The following ANAPC2 variants were observed in gnomAD, a reference collection of about 807,000 sequenced individuals.
ANAPC2 encodes the protein anaphase-promoting complex subunit 2.
A neutral mutation model predicts 84.3 loss-of-function variants in ANAPC2; 29 were observed. The ratio of observed to expected loss-of-function variants is 0.34; its 90% CI spans 0.26 to 0.47. The LOEUF (loss-of-function observed/expected upper bound fraction) is 0.47, where lower values mean the gene tolerates loss of function less well. Ranked by LOEUF, ANAPC2 falls within the 20% of genes least tolerant of loss-of-function variation. ANAPC2 has a pLI of 1.00. For missense variants in ANAPC2, 857 were observed against 1,131.7 expected, an observed-to-expected ratio of 0.76 and a Z score of 3.48; for synonymous variants, 571 against 479.4, an observed-to-expected ratio of 1.19 and a Z score of -2.50.
At chr9:137,187,266 G>A (rs1834494143) in intron 2 of ANAPC2, 3 of 635,050 alleles carry the variant, frequency 4.7e-6, no homozygotes, top group Non-Finnish European at 5.3e-6. Context: ...GGCCTTACCA[G>A]GGTCAAGGCA....
Position 137,174,982 on chromosome 9 carries a change from T to C in ANAPC2, c.2429A>G (p.Tyr810Cys), listed in dbSNP as rs1834175520. Reference protein sequence around the residue: ...QKKVRDQQLVYSAGVYRLPKN... With the variant: ...QKKVRDQQLVCSAGVYRLPKN... Reference sequence around the variant, plus strand: ...GGGCAGGCGGTAGACGCCGGCCGAGTAGACGAGCTGCTGGTCCCGCACCTT... The same window carrying C: ...GGGCAGGCGGTAGACGCCGGCCGAGCAGACGAGCTGCTGGTCCCGCACCTT... The change falls in exon 13 of 13, where the codon TAC (tyrosine) becomes TGC (cysteine). Residue 810 changes from tyrosine (Y) to cysteine (C), a missense_variant. Coordinates refer to ENST00000323927, the MANE Select transcript of ANAPC2 (RefSeq NM_013366.4). The surrounding 1 kb of genome is among the most constrained non-coding windows in gnomAD (Gnocchi z 6.1). 1 of 1,598,618 alleles carries C rather than the reference T, an allele frequency of 6.3e-7. No homozygotes were observed.
chr9:137,180,657 C>T (rs1301818244), intron 8 of ANAPC2, 130 bp from the exon 9 acceptor site: 60 of 1,563,914 alleles, frequency 3.8e-5, no homozygotes, highest in Non-Finnish European at 5.0e-5. Context: ...GCTAGCACAC[C>T]CCCAGCCAGG....
intron 10 of ANAPC2, among the ~76,000 whole-genome samples, chr9:137,179,406 A>G (rs1834293450): frequency 6.6e-6 from 1 of 151,304 alleles, no homozygotes; most frequent in Non-Finnish European, 1.5e-5. Context: ...CCGAGCTGAC[A>G]CCTCCCACCT....
intron 2 of ANAPC2, chr9:137,186,565 A>G (rs938078329): frequency 3.0e-6 from 2 of 665,836 alleles, no homozygotes; most frequent in East Asian, 5.7e-5. Context: ...GAGCACTCCC[A>G]GGCTCTGCTG....
At chr9:137,187,311 G>T in intron 2 of ANAPC2, 170 bp downstream of exon 2, 1 of 823,880 alleles carries the variant, frequency 1.2e-6, no homozygotes, top group Non-Finnish European at 1.8e-6. Flanking sequence ...TGACAGAAGA[G>T]AGACACCTGT....
intron 1 of ANAPC2, 49 bp from the exon 2 acceptor site, chr9:137,188,152 G>A (rs1346968496): frequency 8.3e-6 from 13 of 1,572,326 alleles, no homozygotes; most frequent in Admixed American, 1.7e-5. Context: ...ATAGAGGTGG[G>A]GAGAGGCGGG....
chr9:137,185,081 C>A lies in ANAPC2; in HGVS notation c.880G>T (p.Glu294Ter). The change falls in exon 4 of 13, where the codon GAG (glutamate) becomes TAG (stop). Residue 294 changes from glutamate to a stop codon, truncating the protein, a stop_gained. Coordinates refer to ENST00000323927, the MANE Select transcript of ANAPC2 (RefSeq NM_013366.4). LOFTEE classifies it high-confidence loss of function. ...SFLREFHKWIERVVGWLGKVF... is the reference protein window; with the variant it reads ...SFLREFHKWI ...TTGCCGAGCCAGCCGACCACCCGCT[C>A]GATCCACTGTCAGGAGAACGCTAGT... 2 of 1,541,978 alleles carry A rather than the reference C, an allele frequency of 1.3e-6. No individual in the cohort carries two copies. Among genetic ancestry groups the A allele is most frequent in the Non-Finnish European group, 8.7e-7 (1 of 1,144,178 alleles).
At position 137,175,096 on chromosome 9, in the gene ANAPC2, C is replaced by T. The variant is rs1246509973; in HGVS notation, c.2315G>A (p.Arg772His). The T allele has an allele frequency of 2.5e-6, 4 of 1,609,000 alleles. No individual in the cohort carries two copies. Among genetic ancestry groups the T allele is most frequent in the Non-Finnish European group, 2.5e-6 (3 of 1,178,326 alleles). ...AAACATGCGGAGCATGTTGTAGATACGATCCAGTGAGAGGCTCTCCAGGTT... is the reference window on the plus strand; with the variant it reads ...AAACATGCGGAGCATGTTGTAGATATGATCCAGTGAGAGGCTCTCCAGGTT... ...LTNLESLSLD[R>H]IYNMLRMFVV... Residue 772 changes from arginine to histidine, a missense_variant, in exon 13 of 13, where the codon CGT becomes CAT. This residue lies in a region of ANAPC2 where 425 missense variants were observed against 595.5 expected (regional missense o/e 0.71). Transcript: ENST00000323927.
chr9:137,175,145 T>C lies in ANAPC2; in HGVS notation c.2266A>G (p.Thr756Ala). 6.2e-7 allele frequency: 1 copy of C among 1,607,670 alleles called. No homozygotes were observed. The highest frequency in any genetic ancestry group is 1.1e-5 in the South Asian group (1 of 90,310). ...QKEEELLLFW[T>A]YIQAMLTNLE... is the part of the protein sequence containing the mutation. ...TTGGTCAGCATGGCCTGGATGTACGTCCAGAAGAGCTGCGGACACAGGCCA... is the reference window on the plus strand; with the variant it reads ...TTGGTCAGCATGGCCTGGATGTACGCCCAGAAGAGCTGCGGACACAGGCCA... Residue 756 changes from threonine (T) to alanine (A), a missense_variant, in exon 13 of 13, where the codon ACG (threonine) becomes GCG (alanine). This residue lies in a region of ANAPC2 where 425 missense variants were observed against 595.5 expected (regional missense o/e 0.71). Transcript: ENST00000323927.
rs1834317112 is a variant in ANAPC2 at position 137,180,366 on chromosome 9, G to A, written c.1705C>T (p.Arg569Cys). The change falls in exon 10 of 13, where the codon CGC becomes TGC. Residue 569 changes from arginine (R) to cysteine (C), a missense_variant. By Grantham distance (180) the Arg-to-Cys change is radical. This residue lies in a region of ANAPC2 where 425 missense variants were observed against 595.5 expected (regional missense o/e 0.71). Transcript: ENST00000323927. The part of the protein sequence containing the change: ...VMLKDMADSR[R>C]INANIREEDE... ...TCCTCCCGGATGTTGGCATTGATGC[G>A]GCGGGAGTCCGCCATGTCCTGAGGA... 6.2e-7 allele frequency: 1 copy of A among 1,612,514 alleles called. No homozygotes were observed. Among genetic ancestry groups the A allele is most frequent in the Non-Finnish European group, 8.5e-7 (1 of 1,179,864 alleles).
intron 4 of ANAPC2, 112 bp from the exon 5 acceptor site, chr9:137,183,903 G>C: frequency 2.8e-6 from 4 of 1,439,510 alleles, no homozygotes; most frequent in Non-Finnish European, 3.8e-6. Flanking sequence ...GCCCCAGGAC[G>C]ATGATGAGAC....
At chr9:137,185,125 T>C (rs750976705) in intron 3 of ANAPC2, 38 bp from the exon 4 acceptor site, 4 of 1,486,726 alleles carry the variant, frequency 2.7e-6, no homozygotes, top group Non-Finnish European at 2.7e-6. Flanking sequence ...CAGGGAGGCA[T>C]GGTGAGCCCC....
chr9:137,175,799 C>G lies in ANAPC2; in HGVS notation c.1929G>C (p.Leu643=), dbSNP rs761756726. 1 of 1,609,950 alleles carries G rather than the reference C, an allele frequency of 6.2e-7. No individual in the cohort carries two copies. Among genetic ancestry groups the G allele is most frequent in the Non-Finnish European group, 8.5e-7 (1 of 1,178,554 alleles). The change falls in exon 11 of 13, where the codon CTG becomes CTC. Residue 643 remains leucine, a synonymous_variant. Coordinates refer to ENST00000323927, the MANE Select transcript of ANAPC2 (RefSeq NM_013366.4). ...CGGCCAGCTCCACGTCCATGGTCAC[C>G]AGGCCCAGGGTGTGCTTCCAACTGA... ...RTLSWKHTLG[L]VTMDVELADR...
chr9:137,183,774 G>C lies in ANAPC2; in HGVS notation c.1066C>G (p.Pro356Ala). The C allele has an allele frequency of 6.2e-7, 1 of 1,613,286 alleles. No individual in the cohort carries two copies. Among genetic ancestry groups the C allele is most frequent in the Non-Finnish European group, 8.5e-7 (1 of 1,179,890 alleles). ...CAGTACTTGAGGTCCTCGATGGCTGGCCGGGAGTCTGGGAAGTCTACAAGA... is the reference window on the plus strand; with the variant it reads ...CAGTACTTGAGGTCCTCGATGGCTGCCCGGGAGTCTGGGAAGTCTACAAGA... ...SIVRDFPDSR[P>A]AIEDLKYCLE... The change falls in exon 5 of 13, where the codon CCA becomes GCA. Residue 356 changes from proline to alanine, a missense_variant. Around this residue, in one of 3 missense-constraint regions of ANAPC2, gnomAD observed 428 missense variants for 513.8 expected, o/e 0.83. Transcript: ENST00000323927.
In ANAPC2 at chr9:137,174,937, ATG is replaced by A; in HGVS notation, c.*3_*4del. The A allele has an allele frequency of 6.5e-7, 1 of 1,534,198 alleles. No homozygotes were observed. Among genetic ancestry groups the A allele is most frequent in the Non-Finnish European group, 8.8e-7 (1 of 1,140,122 alleles). On this transcript the variant is annotated 3_prime_UTR_variant, in exon 13 of 13. Coordinates refer to ENST00000323927, the MANE Select transcript of ANAPC2 (RefSeq NM_013366.4). This position sits in a 1 kb window ranked among gnomAD's most constrained non-coding sequence, Gnocchi z 6.1. ...TGGCGGGCGGGCGGGCGGGCGGGCGATGTGTCAGCTGCAGTTCTTGGGCAGGC... is the reference window on the plus strand; with the variant it reads ...TGGCGGGCGGGCGGGCGGGCGGGCGATGTCAGCTGCAGTTCTTGGGCAGGC...
intron 1 of ANAPC2, 105 bp from the exon 2 acceptor site, chr9:137,188,208 C>A: frequency 7.0e-7 from 1 of 1,438,332 alleles, no homozygotes; most frequent in East Asian, 2.4e-5. Flanking sequence ...CCGCTGCCCC[C>A]TGTCCGTGCT....
intron 2 of ANAPC2, 45 bp from the exon 3 acceptor site, chr9:137,186,401 C>T: frequency 6.5e-7 from 1 of 1,544,832 alleles, no homozygotes; most frequent in Non-Finnish European, 8.7e-7. Flanking sequence ...CACACACCGG[C>T]CCCTCTAGCC....
chr9:137,175,653 A>C, intron 11 of ANAPC2, 55 bp downstream of exon 11: 1 of 1,571,240 alleles, frequency 6.4e-7, no homozygotes, highest in Non-Finnish European at 8.7e-7. Flanking sequence ...ACAGCCCCTC[A>C]CCCACAGCTG....
At position 137,180,948 on chromosome 9, in the gene ANAPC2, G is replaced by C. The variant is rs574030093; in HGVS notation, c.1469-19C>G. ...GACTTCCCTGGCATGGTGGGGGCAG[G>C]GGTGTCACCTGACAGGCACCTGGGC... is the stretch of plus-strand genomic sequence containing the variant. On this transcript the variant is annotated intron_variant, in intron 7 of 12. Transcript: ENST00000323927. The C allele has an allele frequency of 2.5e-6, 4 of 1,610,358 alleles. No homozygotes were observed. The highest frequency in any genetic ancestry group is 4.5e-5 in the East Asian group (2 of 44,808).
Sources: allele counts gnomAD v4.1 joint callset (sites outside exome capture counted in the v4.1 genomes callset), GRCh38; gene constraint gnomAD v4.1.1; regional missense constraint gnomAD v4.1.1; non-coding constraint Gnocchi (gnomAD v3.1); transcripts MANE v1.5; gene names NCBI Gene and HGNC (gene_info 2026-07-23, HGNC 2026-07-21).